Variants in MTREX observed in about 807,000 individuals in gnomAD.
MTREX encodes the protein Mtr4 exosome RNA helicase, also known as exosome RNA helicase MTR4.
MTREX carries 76 observed loss-of-function variants against 135.4 expected under a neutral mutation model. The observed-to-expected ratio is 0.56, with a 90% CI of 0.47 to 0.68. The LOEUF is 0.68. MTREX is among the 30% of genes least tolerant of loss of function. The pLI is 0.00. For synonymous variants in MTREX, 404 were observed against 401.6 expected (o/e 1.01, Z -0.07); for missense variants, 920 against 1,262.1 (o/e 0.73, Z 4.11).
rs780538515 is a variant in MTREX, at chr5:55,322,488, G to A, written c.272+24G>A. 2.6e-6 allele frequency: 4 copies of A among 1,536,220 alleles called. No homozygotes were observed. The African/African-American group carries it at 4.2e-5, about 16-fold the overall frequency. On this transcript the variant is annotated intron_variant, in intron 2 of 26. Coordinates refer to ENST00000230640, the MANE Select transcript of MTREX (RefSeq NM_015360.5). ...AGGTAATATTTCCAAAGTCCTAAATGTTAGTAACTCATAATTCAGGTGGTT... is the reference window on the plus strand; with the variant it reads ...AGGTAATATTTCCAAAGTCCTAAATATTAGTAACTCATAATTCAGGTGGTT...
chr5:55,375,883 G>A (rs564599193), intron 16 of MTREX, among the ~76,000 whole-genome samples: 30 of 152,110 alleles, frequency 2.0e-4, no homozygotes, highest in Admixed American at 3.9e-4. Context: ...TGGTCCCTCC[G>A]TTTGGGGTCC....
intron 21 of MTREX, 30 bp from the exon 22 acceptor site, chr5:55,405,395 G>T: frequency 1.3e-6 from 2 of 1,562,264 alleles, no homozygotes; most frequent in South Asian, 2.3e-5. Flanking sequence ...CTTTATTATT[G>T]AACTTTCTTT....
At chr5:55,332,350 A>G (rs1749491922) in intron 5 of MTREX, among the ~76,000 whole-genome samples, 1 of 152,210 alleles carries the variant, frequency 6.6e-6, no homozygotes. Context: ...TAGCTGAATT[A>G]GGTACTCTTA....
chr5:55,421,889 C>T (rs1245546826), intron 25 of MTREX, among the ~76,000 whole-genome samples: 5 of 152,162 alleles, frequency 3.3e-5, no homozygotes, highest in African/African-American at 1.2e-4. Context: ...GGTAATATGA[C>T]ATTACCCTCT....
intron 21 of MTREX, among the ~76,000 whole-genome samples, chr5:55,404,211 A>G (rs1750766012): frequency 6.6e-6 from 1 of 152,094 alleles, no homozygotes; most frequent in Non-Finnish European, 1.5e-5. Context: ...ACTTATCAAA[A>G]CTTTTCTGTC....
chr5:55,334,083 C>T lies in MTREX; in HGVS notation c.515+5272C>T, dbSNP rs145522897. On this transcript the variant is annotated intron_variant, in intron 5 of 26. Transcript: ENST00000230640. The stretch of plus-strand genomic sequence containing the variant: ...AAAAGAAGTTGGAGTCAAAAGATTG[C>T]TTTATGATTCCATTTATGTGAAATA... Among the ~76,000 whole-genome samples, 39 of 152,202 alleles carry T rather than the reference C, an allele frequency of 2.6e-4. No homozygotes were observed. The East Asian group carries it at 5.0e-3, about 20-fold the overall frequency.
Position 55,403,250 on chromosome 5 carries a change from A to G in MTREX, c.2482-2175A>G, listed in dbSNP as rs183829447. ...AAAAGTGTACATGTGCAGTCCAGAC[A>G]TTTTTTTTCCCAATATTTTTGATCC... is the stretch of plus-strand genomic sequence containing the variant. On this transcript the variant is annotated intron_variant, in intron 21 of 26. Transcript: ENST00000230640. Among the ~76,000 whole-genome samples, 105 of 151,752 alleles carry G rather than the reference A, an allele frequency of 6.9e-4. 1 individual carries two copies. The East Asian group carries it at 0.019, about 28-fold the overall frequency.
intron 18 of MTREX, 108 bp downstream of exon 18, chr5:55,379,303 GT>G: frequency 1.6e-6 from 1 of 633,766 alleles, no homozygotes; most frequent in Non-Finnish European, 2.7e-6. Flanking sequence ...AAGAGAAGCA[GT>G]AATAAATTCT....
intron 1 of MTREX, among the ~76,000 whole-genome samples, chr5:55,317,458 G>C (rs1429870247): frequency 2.6e-5 from 4 of 152,168 alleles, no homozygotes; most frequent in African/African-American, 9.7e-5. Context: ...ACAGAGTAGA[G>C]AGCTAGAAAT....
intron 2 of MTREX, among the ~76,000 whole-genome samples, chr5:55,323,589 T>C (rs149122583): frequency 2.6e-5 from 4 of 152,132 alleles, no homozygotes; most frequent in Admixed American, 6.5e-5. Flanking sequence ...CGTATGCTAA[T>C]TTTTGAGTTT....
In MTREX at chr5:55,376,174, A is replaced by G. The variant is rs116811051; in HGVS notation, c.1811-2140A>G. ...TAAGTGAGCTTGAGGGGCTTCAAAA[A>G]TTTGTTGCTTTAATTTAGTTATGTC... On this transcript the variant is annotated intron_variant, in intron 16 of 26. Coordinates refer to ENST00000230640, the MANE Select transcript of MTREX (RefSeq NM_015360.5). Among the ~76,000 whole-genome samples the G allele has an allele frequency of 8.8e-3, 1,348 of 152,322 alleles. 14 individuals are homozygous for G. Among genetic ancestry groups the G allele is most frequent in the African/African-American group, 0.031 (1,298 of 41,560 alleles).
intron 23 of MTREX, 34 bp from the exon 24 acceptor site, chr5:55,414,148 G>A: frequency 6.7e-7 from 1 of 1,484,470 alleles, no homozygotes; most frequent in Non-Finnish European, 9.0e-7. Context: ...TTTAAACGTG[G>A]GTTTTTATAT....
intron 17 of MTREX, 38 bp downstream of exon 17, chr5:55,378,524 C>T (rs1750343694): frequency 6.4e-7 from 1 of 1,552,080 alleles, no homozygotes; most frequent in Non-Finnish European, 8.7e-7. Context: ...TTGAATAATT[C>T]AATATTTAAA....
intron 2 of MTREX, among the ~76,000 whole-genome samples, chr5:55,323,541 A>G (rs1226277773): frequency 3.3e-5 from 5 of 151,912 alleles, no homozygotes; most frequent in Admixed American, 6.6e-5. Flanking sequence ...TCCTGCCTCA[A>G]TGTCTTGAGT....
In MTREX at chr5:55,400,407, G is replaced by A; in HGVS notation, c.2467G>A (p.Glu823Lys). ...TTTGGAAACTGTGTATACGCTTTGTGAAAAAAAAGCACAGGTATGGCAGAA... is the reference window on the plus strand; with the variant it reads ...TTTGGAAACTGTGTATACGCTTTGTAAAAAAAAAGCACAGGTATGGCAGAA... ...PNLETVYTLC[E>K]KKAQIAIDIK... The change falls in exon 21 of 27, where the codon GAA becomes AAA. Residue 823 changes from glutamate (E) to lysine (K), a missense_variant. Glu to Lys is a moderately conservative substitution (Grantham distance 56, BLOSUM62 1). Around this residue, in one of 6 missense-constraint regions of MTREX, gnomAD observed 467 missense variants for 589.7 expected, o/e 0.79. Transcript: ENST00000230640. 1 of 1,575,304 alleles carries A rather than the reference G, an allele frequency of 6.3e-7. No individual in the cohort carries two copies. Among genetic ancestry groups the A allele is most frequent in the South Asian group, 1.2e-5 (1 of 84,864 alleles).
chr5:55,312,579 A>G (rs1299608020), intron 1 of MTREX, among the ~76,000 whole-genome samples: 1 of 152,062 alleles, frequency 6.6e-6, no homozygotes, highest in Non-Finnish European at 1.5e-5. Context: ...TAAATACATT[A>G]TGTATTCCTT....
intron 20 of MTREX, 51 bp downstream of exon 20, chr5:55,397,577 G>T: frequency 1.7e-6 from 2 of 1,159,762 alleles, no homozygotes; most frequent in Non-Finnish European, 2.5e-6. Context: ...AATACAGGTA[G>T]TGTTTATAAA....
intron 7 of MTREX, among the ~76,000 whole-genome samples, chr5:55,342,532 G>A (rs999457339): frequency 6.6e-6 from 1 of 152,204 alleles, no homozygotes; most frequent in Non-Finnish European, 1.5e-5. Context: ...TACTTAGGCT[G>A]TTACGCTCTC....
intron 23 of MTREX, 27 bp from the exon 24 acceptor site, chr5:55,414,155 A>G (rs2111619327): frequency 6.6e-7 from 1 of 1,521,536 alleles, no homozygotes; most frequent in Non-Finnish European, 8.8e-7. Context: ...GTGGGTTTTT[A>G]TATCTTGTTT....
Sources: gnomAD v4.1 joint callset for allele counts (sites outside exome capture counted in the v4.1 genomes callset) on GRCh38, gnomAD v4.1.1 for gene constraint, gnomAD v4.1.1 regional missense constraint, MANE v1.5 for transcripts, NCBI Gene and HGNC (gene_info 2026-07-23, HGNC 2026-07-21) for gene names.